Variants in MME observed in about 807,000 individuals in gnomAD.
The protein encoded by MME is membrane metalloendopeptidase.
In MME, 98 loss-of-function variants were observed where a neutral mutation model predicts 113.2. That is an observed-to-expected ratio of 0.87 (90% CI 0.74 to 1.02). The LOEUF (loss-of-function observed/expected upper bound fraction) is 1.02, where lower values mean the gene tolerates loss of function less well. MME is among the 50% of genes least tolerant of loss of function. MME has a pLI of 0.00. For missense variants in MME, 836 were observed against 896.0 expected, an observed-to-expected ratio of 0.93 and a Z score of 0.86; for synonymous variants, 292 against 300.6, an observed-to-expected ratio of 0.97 and a Z score of 0.30.
intron 1 of MME, among the ~76,000 whole-genome samples, chr3:155,043,744 T>C (rs1713444709): frequency 6.6e-6 from 1 of 152,174 alleles, no homozygotes; most frequent in Non-Finnish European, 1.5e-5. Context: ...ATAATTATTT[T>C]ATAGTACCAA....
intron 16 of MME, among the ~76,000 whole-genome samples, chr3:155,150,918 T>A (rs1276218088): frequency 6.6e-6 from 1 of 152,178 alleles, no homozygotes; most frequent in Non-Finnish European, 1.5e-5. Flanking sequence ...TACAACATGA[T>A]CGAAGCTCCT....
intron 1 of MME, among the ~76,000 whole-genome samples, chr3:155,030,475 G>T (rs183868855): frequency 6.6e-6 from 1 of 152,236 alleles, no homozygotes; most frequent in East Asian, 1.9e-4. Context: ...ATAGGGCAAA[G>T]AAAGCATTTT....
chr3:155,062,594 A>T (rs1714184768), intron 1 of MME, among the ~76,000 whole-genome samples: 1 of 152,204 alleles, frequency 6.6e-6, no homozygotes, highest in Admixed American at 6.5e-5. Flanking sequence ...CATGAGAATA[A>T]AAAAGAACAG....
intron 1 of MME, among the ~76,000 whole-genome samples, chr3:155,034,467 C>T (rs994254377): frequency 6.6e-6 from 1 of 152,152 alleles, no homozygotes; most frequent in African/African-American, 2.4e-5. Flanking sequence ...GTGATGTTTT[C>T]CTGGCCTTGT....
chr3:155,067,306 T>A (rs1714413576), intron 1 of MME, among the ~76,000 whole-genome samples: 1 of 104,272 alleles, frequency 9.6e-6, no homozygotes, highest in African/African-American at 4.9e-5. Flanking sequence ...TTTCCTTTTT[T>A]TTTTTTTTTT....
At chr3:155,116,608 TGGTG>T in intron 5 of MME, 49 bp downstream of exon 5, 1 of 977,536 alleles carries the variant, frequency 1.0e-6, no homozygotes, top group Non-Finnish European at 1.4e-6. Context: ...ATATATATAT[TGGTG>T]CCAAACTATG....
At chr3:155,047,800 T>C (rs991400341) in intron 1 of MME, among the ~76,000 whole-genome samples, 4 of 152,148 alleles carry the variant, frequency 2.6e-5, no homozygotes, top group African/African-American at 9.7e-5. Context: ...GACTATGGTT[T>C]CTGTTTTAAG....
At position 155,163,859 on chromosome 3, in the gene MME, TA is replaced by T. The variant is rs1436775280; in HGVS notation, c.1661-3042del. Reference sequence around the variant, plus strand: ...CTCCATTTAATATAAAAAGAATGTTTAGACTATGCATGGTGGCTCATGCCTG... The same window carrying T: ...CTCCATTTAATATAAAAAGAATGTTTGACTATGCATGGTGGCTCATGCCTG... On this transcript the variant is annotated intron_variant, in intron 17 of 22. Coordinates refer to ENST00000360490, the MANE Select transcript of MME (RefSeq NM_007289.4). 2.6e-5 allele frequency among the ~76,000 whole-genome samples: 4 copies of T among 152,256 alleles called. No homozygotes were observed. The South Asian group carries it at 8.3e-4, about 32-fold the overall frequency.
intron 3 of MME, among the ~76,000 whole-genome samples, chr3:155,097,060 A>G (rs575717505): frequency 6.6e-6 from 1 of 152,316 alleles, no homozygotes; most frequent in East Asian, 1.9e-4. Context: ...GGCTTGGTAA[A>G]TTGGGTGATA....
At chr3:155,050,623 T>A (rs1037452165) in intron 1 of MME, among the ~76,000 whole-genome samples, 5 of 152,238 alleles carry the variant, frequency 3.3e-5, no homozygotes, top group Admixed American at 3.3e-4. Context: ...GTTGCATGTA[T>A]GTTTTCTTTT....
At chr3:155,140,410 C>CTTTTTTTTTTTTTTTTTTTTTTTT (rs35653282) in intron 10 of MME, 118 bp downstream of exon 10, 1 of 215,666 alleles carries the variant, frequency 4.6e-6, no homozygotes, top group Non-Finnish European at 8.3e-6. Context: ...ACTTCAATTC[C>CTTTTTTTTTTTTTTTTTTTTTTTT]TTTTTTTTTT....
At chr3:155,153,038 CTT>C (rs112469021) in intron 16 of MME, among the ~76,000 whole-genome samples, 19 of 139,960 alleles carry the variant, frequency 1.4e-4, no homozygotes, top group Admixed American at 7.2e-5. Flanking sequence ...CAGGGATTTA[CTT>C]TTTTTTTTTT....
chr3:155,143,353 C>CT, intron 12 of MME, 90 bp from the exon 13 acceptor site: 1 of 1,462,186 alleles, frequency 6.8e-7, no homozygotes, highest in Non-Finnish European at 9.5e-7. Context: ...ATTTCAAGAA[C>CT]TTAGATGAGA....
At position 155,182,029 on chromosome 3, in the gene MME, C is replaced by T. The variant is rs201544890; in HGVS notation, c.*1570C>T. The T allele has an allele frequency of 1.6e-4, 25 of 152,332 alleles. No individual in the cohort carries two copies. Among genetic ancestry groups the T allele is most frequent in the African/African-American group, 4.1e-4 (17 of 41,586 alleles). The allele number at this position is 152,332 out of a possible 1,614,324, so 9.4% of individuals were successfully genotyped here. On this transcript the variant is annotated 3_prime_UTR_variant, in exon 23 of 23. Transcript: ENST00000360490. ...CTGAACAATGGCCCTGTAGCCAGCA[C>T]CTGTAAGAAACAGAGCAGTACCAGC...
chr3:155,148,742 G>GA (rs1721712316), intron 16 of MME, 89 bp downstream of exon 16: 1 of 984,494 alleles, frequency 1.0e-6, no homozygotes, highest in Non-Finnish European at 1.6e-6. Context: ...GCCTCAGTTA[G>GA]AAAAATATTA....
intron 8 of MME, among the ~76,000 whole-genome samples, chr3:155,122,257 G>A (rs1719215059): frequency 6.6e-6 from 1 of 151,910 alleles, no homozygotes; most frequent in African/African-American, 2.4e-5. Flanking sequence ...TAGGATCGGT[G>A]GTGATATCCC....
intron 1 of MME, among the ~76,000 whole-genome samples, chr3:155,063,378 TA>T (rs1437459912): frequency 2.8e-5 from 3 of 105,948 alleles, no homozygotes; most frequent in Non-Finnish European, 5.0e-5. Flanking sequence ...TATTTATATA[TA>T]AATATATATT....
rs1315379436 is a variant in MME, at chr3:155,148,524, C to A, written c.1498-26C>A. ...TTAGAAGATACCGGTTTTAATATTT[C>A]TTCCCAAATCTTCTTTATAATACAG... On this transcript the variant is annotated intron_variant, in intron 15 of 22. Transcript: ENST00000360490. 2.0e-6 allele frequency: 3 copies of A among 1,485,880 alleles called. No homozygotes were observed. In the African/African-American group the frequency reaches 4.2e-5, roughly 21 times the overall value. The allele number at this position is 1,485,880 out of a possible 1,614,324, so 92.0% of individuals were successfully genotyped here. A position where few individuals can be genotyped will look rare whatever the true frequency, so the allele number is the denominator to read the frequency against.
chr3:155,102,396 C>T (rs959346819), intron 3 of MME, among the ~76,000 whole-genome samples: 12 of 151,994 alleles, frequency 7.9e-5, no homozygotes, highest in Non-Finnish European at 1.5e-4. Context: ...CTTGAAATAC[C>T]CTTTGAGTCA....
Sources: gnomAD v4.1 joint callset for allele counts (sites outside exome capture counted in the v4.1 genomes callset) on GRCh38, gnomAD v4.1.1 for gene constraint, MANE v1.5 for transcripts, NCBI Gene and HGNC (gene_info 2026-07-23, HGNC 2026-07-21) for gene names.